Variants in POLK observed in about 807,000 individuals in gnomAD.
The protein encoded by POLK is DNA polymerase kappa, also known as polymerase (DNA directed) kappa.
A neutral mutation model predicts 94.0 loss-of-function variants in POLK; 76 were observed. That is an observed-to-expected ratio of 0.81 (90% CI 0.67 to 0.98). POLK has a LOEUF of 0.98. Among genes scored for constraint, POLK ranks in the 50% least tolerant of loss-of-function variants. The pLI is 0.00. For missense variants in POLK, 954 were observed against 1,010.1 expected (o/e 0.94, Z 0.75); for synonymous variants, 349 against 325.4 (o/e 1.07, Z -0.78).
chr5:75,602,444 G>T (rs1773315741), downstream of POLK, among the ~76,000 whole-genome samples: 1 of 152,170 alleles, frequency 6.6e-6, no homozygotes, highest in Non-Finnish European at 1.5e-5. Context: ...GCTAGTCAAG[G>T]AAGGGCCAGT....
chr5:75,523,283 A>G (rs897565532), intron 1 of POLK, among the ~76,000 whole-genome samples: 2 of 152,230 alleles, frequency 1.3e-5, no homozygotes, highest in Non-Finnish European at 2.9e-5. Flanking sequence ...AGAAATACCT[A>G]AAGTATTAAA....
intron 13 of POLK, 31 bp downstream of exon 13, chr5:75,597,209 T>C: frequency 9.6e-7 from 1 of 1,044,228 alleles, no homozygotes. Context: ...AACTGCATGA[T>C]TTTCTAGGAA....
chr5:75,596,353 A>G (rs765386708), exon 13 of POLK: 3 of 1,613,240 alleles, frequency 1.9e-6, no homozygotes, highest in South Asian at 2.2e-5. Flanking sequence ...TGACAAAGAT[A>G]AGTTTGTAAA....
intron 3 of POLK, among the ~76,000 whole-genome samples, chr5:75,565,533 T>C (rs960359426): frequency 6.6e-6 from 1 of 152,160 alleles, no homozygotes; most frequent in African/African-American, 2.4e-5. Context: ...CTACCTTTAG[T>C]GTTTGATTTT....
At chr5:75,574,567 T>A (rs1171495502) in intron 5 of POLK, among the ~76,000 whole-genome samples, 1 of 152,200 alleles carries the variant, frequency 6.6e-6, no homozygotes, top group African/African-American at 2.4e-5. Context: ...GTAAAATGTG[T>A]TTAAGACTGC....
At chr5:75,594,120 A>G (rs1772938070) in intron 12 of POLK, 71 bp downstream of exon 12, 5 of 1,185,754 alleles carry the variant, frequency 4.2e-6, no homozygotes, top group South Asian at 1.5e-5. Context: ...CTTTGGGAAT[A>G]CAGGGGGCCC....
intron 3 of POLK, among the ~76,000 whole-genome samples, chr5:75,554,572 G>T (rs1213151571): frequency 2.0e-5 from 3 of 151,810 alleles, no homozygotes; most frequent in East Asian, 3.9e-4. Context: ...GTGTCGTGGG[G>T]GTTTGTTGTA....
chr5:75,569,765 T>G (rs1009786749), intron 4 of POLK, among the ~76,000 whole-genome samples: 1 of 152,214 alleles, frequency 6.6e-6, no homozygotes, highest in African/African-American at 2.4e-5. Context: ...AAGCTTCGTC[T>G]GTATTTACAA....
rs532408150 is a variant in POLK at position 75,534,385 on chromosome 5, G to A, written c.-13-12625G>A. On this transcript the variant is annotated intron_variant, in intron 1 of 14. Transcript: ENST00000241436. ...GGGTTTCGACTGTCTCCTGTATGTCGATGATCTTTGTTCCTATCCATATTC... is the reference window on the plus strand; with the variant it reads ...GGGTTTCGACTGTCTCCTGTATGTCAATGATCTTTGTTCCTATCCATATTC... Among the ~76,000 whole-genome samples, 5 of 152,086 alleles carry A rather than the reference G, an allele frequency of 3.3e-5. No individual in the cohort carries two copies. The South Asian group carries it at 8.3e-4, about 25-fold the overall frequency.
exon 15 of POLK, chr5:75,600,209 A>G (rs1773266042): frequency 1.3e-5 from 2 of 152,212 alleles, no homozygotes; most frequent in Admixed American, 1.3e-4. Context: ...GGAAATCCAG[A>G]TGACCAAGAA....
At chr5:75,549,044 A>T (rs555936003) in intron 2 of POLK, among the ~76,000 whole-genome samples, 28 of 152,302 alleles carry the variant, frequency 1.8e-4, no homozygotes, top group Non-Finnish European at 3.5e-4. Flanking sequence ...TTCACTTGTA[A>T]TGAAGCATAT....
intron 3 of POLK, among the ~76,000 whole-genome samples, chr5:75,563,106 C>T (rs910752348): frequency 6.6e-6 from 1 of 152,058 alleles, no homozygotes; most frequent in Non-Finnish European, 1.5e-5. Flanking sequence ...CTCTTTGTAC[C>T]TCTGGTAGAA....
At chr5:75,565,673 A>G (rs1771227731) in intron 3 of POLK, among the ~76,000 whole-genome samples, 1 of 151,998 alleles carries the variant, frequency 6.6e-6, no homozygotes, top group South Asian at 2.1e-4. Flanking sequence ...CTGGAGGTCT[A>G]CTCCAGACCC....
intron 3 of POLK, among the ~76,000 whole-genome samples, chr5:75,563,517 T>C (rs1405187872): frequency 6.6e-6 from 1 of 152,234 alleles, no homozygotes; most frequent in Non-Finnish European, 1.5e-5. Flanking sequence ...CGTTCCTGCT[T>C]TCTCCTATGG....
At chr5:75,607,236 G>A in the POLK span, among the ~76,000 whole-genome samples, 1 of 152,050 alleles carries the variant, frequency 6.6e-6, no homozygotes, top group Middle Eastern at 3.2e-3. Flanking sequence ...GGAGGCCAAG[G>A]CGGGTGGATC....
intron 3 of POLK, chr5:75,568,565 G>A (rs1286419323): frequency 1.6e-5 from 3 of 193,080 alleles, no homozygotes. Flanking sequence ...AGTTTTCTCT[G>A]AAGAAACTAA....
chr5:75,587,340 T>C (rs1490936732), intron 10 of POLK, among the ~76,000 whole-genome samples: 1 of 152,214 alleles, frequency 6.6e-6, no homozygotes, highest in Non-Finnish European at 1.5e-5. Flanking sequence ...ATTTCTAGCT[T>C]GTTTATAAGG....
At chr5:75,514,668 A>G (rs1479843752) in intron 1 of POLK, among the ~76,000 whole-genome samples, 2 of 152,328 alleles carry the variant, frequency 1.3e-5, no homozygotes, top group Non-Finnish European at 2.9e-5. Context: ...GGCGCTTGCA[A>G]TACATAACTT....
At chr5:75,515,514 A>G (rs1197151476) in intron 1 of POLK, among the ~76,000 whole-genome samples, 2 of 152,178 alleles carry the variant, frequency 1.3e-5, no homozygotes, top group Non-Finnish European at 2.9e-5. Flanking sequence ...TTATCCATTC[A>G]TCCATTGATG....
Sources: gnomAD v4.1 joint callset for allele counts (sites outside exome capture counted in the v4.1 genomes callset) on GRCh38, gnomAD v4.1.1 for gene constraint, MANE v1.5 for transcripts, NCBI Gene and HGNC (gene_info 2026-07-23, HGNC 2026-07-21) for gene names.